RBFOX1: variants seen among roughly 807,000 people sequenced by gnomAD.
The protein encoded by RBFOX1 is RNA binding fox-1 homolog 1, also known as RNA binding protein fox-1 homolog 1.
RBFOX1 carries 8 observed loss-of-function variants against 57.7 expected under a neutral mutation model. The ratio of observed to expected loss-of-function variants is 0.14; its 90% CI spans 0.08 to 0.25. The LOEUF (loss-of-function observed/expected upper bound fraction) is 0.25, where lower values mean the gene tolerates loss of function less well. Ranked by LOEUF, RBFOX1 falls within the 10% of genes least tolerant of loss-of-function variation. The pLI, the probability that RBFOX1 is intolerant of heterozygous loss-of-function variation, is 1.00. For synonymous variants in RBFOX1, 326 were observed against 222.4 expected (o/e 1.47, Z -4.15); for missense variants, 611 against 548.5 (o/e 1.11, Z -1.14).
chr16:5,771,772 T>C (rs1278829732), intron 3 of RBFOX1, among the ~76,000 whole-genome samples: 2 of 152,242 alleles, frequency 1.3e-5, no homozygotes, highest in Non-Finnish European at 2.9e-5. Flanking sequence ...ATTCTTGCTC[T>C]GTATGTTGTA....
chr16:7,267,489 T>C (rs1018332392), intron 4 of RBFOX1, among the ~76,000 whole-genome samples: 3 of 151,990 alleles, frequency 2.0e-5, no homozygotes, highest in Non-Finnish European at 4.4e-5. Flanking sequence ...CGAGCCAAGG[T>C]TGCACTACTG....
At chr16:7,177,489 A>T (rs2081914179) in intron 4 of RBFOX1, among the ~76,000 whole-genome samples, 2 of 76,336 alleles carry the variant, frequency 2.6e-5, no homozygotes, top group Non-Finnish European at 4.4e-5. Context: ...ATGTATCAAT[A>T]AAAAAAAAAA....
chr16:6,979,842 G>C (rs2088188879), intron 3 of RBFOX1, among the ~76,000 whole-genome samples: 3 of 152,076 alleles, frequency 2.0e-5, no homozygotes, highest in Admixed American at 1.3e-4. Context: ...GGCTGGTGTT[G>C]GGCTCTGTGA....
chr16:7,327,121 C>T (rs2096621825), intron 4 of RBFOX1, among the ~76,000 whole-genome samples: 1 of 152,172 alleles, frequency 6.6e-6, no homozygotes, highest in African/African-American at 2.4e-5. Context: ...GCACTTAGTT[C>T]TGTCTTGGGT....
intron 1 of RBFOX1, among the ~76,000 whole-genome samples, chr16:6,104,951 G>C (rs1384847614): frequency 1.3e-5 from 2 of 152,162 alleles, no homozygotes; most frequent in Non-Finnish European, 2.9e-5. Context: ...TCTTTTCTAG[G>C]AGCCTGAACT....
At chr16:7,471,730 G>T (rs1230533451) in intron 4 of RBFOX1, among the ~76,000 whole-genome samples, 1 of 152,160 alleles carries the variant, frequency 6.6e-6, no homozygotes, top group Non-Finnish European at 1.5e-5. Context: ...CTCAGTGGAT[G>T]TTTTTAAAGT....
At chr16:7,384,561 T>A (rs1195131993) in intron 4 of RBFOX1, among the ~76,000 whole-genome samples, 4 of 152,150 alleles carry the variant, frequency 2.6e-5, no homozygotes, top group Non-Finnish European at 5.9e-5. Context: ...TATCTATCCA[T>A]CTGGGCTTTA....
intron 3 of RBFOX1, among the ~76,000 whole-genome samples, chr16:6,683,807 G>C (rs1375155817): frequency 6.6e-6 from 1 of 152,172 alleles, no homozygotes; most frequent in Non-Finnish European, 1.5e-5. Context: ...CCTTCCACCA[G>C]TTAACAGGAA....
chr16:6,881,943 A>G (rs1372324721), intron 3 of RBFOX1, among the ~76,000 whole-genome samples: 1 of 152,202 alleles, frequency 6.6e-6, no homozygotes, highest in African/African-American at 2.4e-5. Context: ...TAATTGACAT[A>G]GTGTAAAAAG....
chr16:5,357,588 C>A (rs749878553), intron 1 of RBFOX1, among the ~76,000 whole-genome samples: 2 of 152,150 alleles, frequency 1.3e-5, no homozygotes, highest in Non-Finnish European at 2.9e-5. Flanking sequence ...TTCAGCAGGT[C>A]CAGGTAGGTT....
intron 1 of RBFOX1, among the ~76,000 whole-genome samples, chr16:6,058,833 TATCCATCCATCCATCCATCCATCC>T (rs35496154): frequency 8.2e-5 from 11 of 134,310 alleles, no homozygotes; most frequent in African/African-American, 1.8e-4. Flanking sequence ...CTCATTTATT[TATCCATCCATCCATCCATCCATCC>T]ATCCATCCAT....
At chr16:7,222,870 A>T (rs887691706) in intron 4 of RBFOX1, among the ~76,000 whole-genome samples, 2 of 152,176 alleles carry the variant, frequency 1.3e-5, no homozygotes, top group African/African-American at 4.8e-5. Context: ...TGGTTTACTA[A>T]AGAGTGTGTT....
chr16:7,549,481 A>G (rs756837388), intron 5 of RBFOX1, among the ~76,000 whole-genome samples: 40 of 152,142 alleles, frequency 2.6e-4, no homozygotes, highest in Non-Finnish European at 4.6e-4. Flanking sequence ...GGGAGTTTAT[A>G]AAGGAGAATT....
intron 3 of RBFOX1, among the ~76,000 whole-genome samples, chr16:7,032,780 C>T (rs575199241): frequency 1.3e-5 from 2 of 152,206 alleles, no homozygotes; most frequent in Admixed American, 6.5e-5. Context: ...CTATGAGACA[C>T]CCCCGCCTTG....
chr16:5,611,751 C>CCATCCATCCATCCATTG (rs1463308921), intron 3 of RBFOX1, among the ~76,000 whole-genome samples: 1 of 135,656 alleles, frequency 7.4e-6, no homozygotes, highest in East Asian at 2.1e-4. Flanking sequence ...TCCATCCATT[C>CCATCCATCCATCCATTG]ACCCTTCTTT....
intron 2 of RBFOX1, among the ~76,000 whole-genome samples, chr16:5,510,876 G>A (rs1388318663): frequency 6.6e-6 from 1 of 152,120 alleles, no homozygotes; most frequent in African/African-American, 2.4e-5. Context: ...AACCAGAAGT[G>A]TCTCTAGCTA....
intron 1 of RBFOX1, among the ~76,000 whole-genome samples, chr16:6,116,751 G>T (rs899649038): frequency 6.6e-6 from 1 of 152,194 alleles, no homozygotes; most frequent in African/African-American, 2.4e-5. Flanking sequence ...TCAGCTGATA[G>T]GGGAGAAAAC....
At chr16:5,817,519 T>A (rs891707314) in intron 3 of RBFOX1, among the ~76,000 whole-genome samples, 3 of 151,970 alleles carry the variant, frequency 2.0e-5, no homozygotes, top group Admixed American at 6.6e-5. Context: ...TTCTCATAGC[T>A]CAGGGAACAG....
intron 3 of RBFOX1, among the ~76,000 whole-genome samples, chr16:6,864,187 C>T (rs1049348128): frequency 6.6e-6 from 1 of 152,058 alleles, no homozygotes; most frequent in Non-Finnish European, 1.5e-5. Context: ...TGTCCCATTA[C>T]ATAAATAATT....
Sources: gnomAD v4.1 joint callset for allele counts (sites outside exome capture counted in the v4.1 genomes callset) on GRCh38, gnomAD v4.1.1 for gene constraint, MANE v1.5 for transcripts, NCBI Gene and HGNC (gene_info 2026-07-23, HGNC 2026-07-21) for gene names.